Variants in ABCA2 observed in about 807,000 individuals in gnomAD.
ABCA2 encodes ATP-binding cassette sub-family A member 2.
A neutral mutation model predicts 262.8 loss-of-function variants in ABCA2; 84 were observed. That is an observed-to-expected ratio of 0.32 (90% CI 0.27 to 0.38). The LOEUF (loss-of-function observed/expected upper bound fraction) is 0.38, where lower values mean the gene tolerates loss of function less well. Ranked by LOEUF, ABCA2 falls within the 10% of genes least tolerant of loss-of-function variation. The pLI is 1.00. For missense variants in ABCA2, 2,662 were observed against 3,405.9 expected (o/e 0.78, Z 5.44); for synonymous variants, 1,696 against 1,502.9 (o/e 1.13, Z -2.97).
Position 137,011,329 on chromosome 9 carries a change from A to AG in ABCA2, c.5800-21dup. 2 of 1,591,738 alleles carry AG rather than the reference A, an allele frequency of 1.3e-6. No individual in the cohort carries two copies. The highest frequency in any genetic ancestry group is 1.7e-6 in the Non-Finnish European group (2 of 1,164,064). The stretch of plus-strand genomic sequence containing the variant: ...CAGGTCCTGCGGGGTGGCCGGGGTC[A>AG]GGGGCACAGGGGTGGCCGGGGTGAG... On this transcript the variant is annotated intron_variant, in intron 37 of 48. Coordinates refer to ENST00000341511, the MANE Select transcript of ABCA2 (RefSeq NM_001606.5). The surrounding 1 kb of genome is among the most constrained non-coding windows in gnomAD (Gnocchi z 8.8).
intron 1 of ABCA2, among the ~76,000 whole-genome samples, chr9:137,025,674 G>A (rs955553075): frequency 7.9e-5 from 12 of 152,252 alleles, no homozygotes; most frequent in Non-Finnish European, 1.8e-4. Context: ...CCAGGGCGAG[G>A]GTGGCTGCAG....
At chr9:137,008,271 TCCCTCGCC>T in intron 48 of ABCA2, 137 bp downstream of exon 48, 1 of 965,398 alleles carries the variant, frequency 1.0e-6, no homozygotes. Flanking sequence ...TCTGCAAGTG[TCCCTCGCC>T]CACTCTGCCC....
intron 28 of ABCA2, 103 bp downstream of exon 28, chr9:137,013,729 G>C: frequency 1.4e-6 from 2 of 1,403,114 alleles, no homozygotes; most frequent in Non-Finnish European, 1.9e-6. Flanking sequence ...TCAGGTGTGG[G>C]GTGAGGCCCA....
chr9:137,019,009 G>T lies in ABCA2; in HGVS notation c.1616C>A (p.Pro539Gln). ...CGAGAAGTTGTCCTGTCTCAGGGCC[G>T]GCGGCAGCTCATCCAGTGACAGGTT... is the stretch of plus-strand genomic sequence containing the variant. ...ALNLSLDELP[P>Q]ALRQDNFSLP... is the part of the protein sequence containing the mutation. The change falls in exon 12 of 49, where the codon CCG (proline) becomes CAG (glutamine). Residue 539 changes from proline to glutamine, a missense_variant. By Grantham distance (76) the Pro-to-Gln change is moderately conservative. Transcript: ENST00000341511. This position sits in a 1 kb window ranked among gnomAD's most constrained non-coding sequence, Gnocchi z 4.4. The T allele has an allele frequency of 1.2e-6, 2 of 1,612,896 alleles. No homozygotes were observed. Among genetic ancestry groups the T allele is most frequent in the Non-Finnish European group, 1.7e-6 (2 of 1,179,830 alleles).
chr9:137,019,074 G>T lies in ABCA2; in HGVS notation c.1555-4C>A. 6.2e-7 allele frequency: 1 copy of T among 1,606,398 alleles called. No individual in the cohort carries two copies. Among genetic ancestry groups the T allele is most frequent in the Middle Eastern group, 1.7e-4 (1 of 6,042 alleles). ...GCAGCCGCAGCTCTGCTACATACTT[G>T]GGGTGGAGGGGCGGCTCAGAGGGGG... On this transcript the variant is annotated splice_region_variant and splice_polypyrimidine_tract_variant and intron_variant, in intron 11 of 48. Coordinates refer to ENST00000341511, the MANE Select transcript of ABCA2 (RefSeq NM_001606.5). The surrounding 1 kb of genome is among the most constrained non-coding windows in gnomAD (Gnocchi z 4.4).
chr9:137,022,213 C>A lies in ABCA2; in HGVS notation c.567+138G>T. The stretch of plus-strand genomic sequence containing the variant: ...GGGGGCATGGCTCAGAGAGTGGGGG[C>A]GTGGCTCAGATGGTGGGGGCAAGGT... On this transcript the variant is annotated intron_variant, in intron 6 of 48. Coordinates refer to ENST00000341511, the MANE Select transcript of ABCA2 (RefSeq NM_001606.5). 8 of 981,424 alleles carry A rather than the reference C, an allele frequency of 8.2e-6. No individual in the cohort carries two copies. In the South Asian group the frequency reaches 2.2e-4, roughly 28 times the overall value. The allele number at this position is 981,424 out of a possible 1,614,324, so 60.8% of individuals were successfully genotyped here. A position where few individuals can be genotyped will look rare whatever the true frequency, so the allele number is the denominator to read the frequency against.
At chr9:137,028,292 G>A (rs2131482846), upstream of ABCA2, 2 of 976,648 alleles carry the variant, frequency 2.0e-6, no homozygotes, top group Non-Finnish European at 2.4e-6. The surrounding 1 kb of genome is among the most constrained non-coding windows in gnomAD (Gnocchi z 6.9). Context: ...CCGCCCCGGC[G>A]GCCGCGGCGA....
At position 137,016,437 on chromosome 9, in the gene ABCA2, G is replaced by A. The variant is rs367607306; in HGVS notation, c.2958C>T (p.His986=). 42 of 1,612,704 alleles carry A rather than the reference G, an allele frequency of 2.6e-5. No individual in the cohort carries two copies. Among genetic ancestry groups the A allele is most frequent in the Non-Finnish European group, 3.2e-5 (38 of 1,179,980 alleles). The change falls in exon 21 of 49, where the codon CAC becomes CAT. Residue 986 remains histidine (H), a synonymous_variant. Coordinates refer to ENST00000341511, the MANE Select transcript of ABCA2 (RefSeq NM_001606.5). ...TGTCCACGCAGACAACCAGAGGCAG[G>A]TGGGTGGGCTCCTCCTCCATGCCAC... ...ETRGMEEEPT[H]LPLVVCVDKL...
chr9:137,013,365 C>T lies in ABCA2; in HGVS notation c.4551-47G>A, dbSNP rs576067702. 173 of 1,526,374 alleles carry T rather than the reference C, an allele frequency of 1.1e-4. 1 individual carries two copies. The highest frequency in any genetic ancestry group is 3.4e-4 in the Admixed American group (17 of 50,570). 94.6% of individuals were successfully genotyped at this position (1,526,374 alleles called of 1,614,324 possible). ...GGTGGGGCTGCCAGTCTCCGCCCCT[C>T]GCCAGCCCCGCCCCCTCGCCCGCCT... On this transcript the variant is annotated intron_variant, in intron 29 of 48. Transcript: ENST00000341511.
chr9:137,013,180 C>T lies in ABCA2; in HGVS notation c.4689G>A (p.Glu1563=). Residue 1563 remains glutamate, a synonymous_variant, in exon 30 of 49, where the codon GAG becomes GAA. Transcript: ENST00000341511. The part of the protein sequence containing the change: ...LGPTLNLSSG[E]SRLLAARFFD... ...AGAACCGAGCCGCCAGCAGGCGCGACTCCCCGCTGCTCAGGTTCAACGTGG... is the reference window on the plus strand; with the variant it reads ...AGAACCGAGCCGCCAGCAGGCGCGATTCCCCGCTGCTCAGGTTCAACGTGG... 1 of 1,600,144 alleles carries T rather than the reference C, an allele frequency of 6.2e-7. No individual in the cohort carries two copies. Among genetic ancestry groups the T allele is most frequent in the Non-Finnish European group, 8.5e-7 (1 of 1,175,364 alleles).
rs769546706 is a variant in ABCA2, at chr9:137,013,791, G to A, written c.4447+41C>T. 4 of 1,564,758 alleles carry A rather than the reference G, an allele frequency of 2.6e-6. No individual in the cohort carries two copies. In the South Asian group the frequency reaches 4.6e-5, roughly 18 times the overall value. On this transcript the variant is annotated intron_variant, in intron 28 of 48. Coordinates refer to ENST00000341511, the MANE Select transcript of ABCA2 (RefSeq NM_001606.5). Reference sequence around the variant, plus strand: ...CATCAGGGCTCCCAGCGGGCGGTGGGGGGAGGCAAGCCCAGCACCCCTGTC... The same window carrying A: ...CATCAGGGCTCCCAGCGGGCGGTGGAGGGAGGCAAGCCCAGCACCCCTGTC...
rs571225501 is a variant in ABCA2, at chr9:137,010,888, C to T, written c.6056+85G>A. The T allele has an allele frequency of 5.9e-3, 2,503 of 425,666 alleles. 65 individuals carry two copies. Among genetic ancestry groups the T allele is most frequent in the African/African-American group, 0.052 (2,168 of 42,028 alleles). The allele number at this position is 425,666 out of a possible 1,614,324, so 26.4% of individuals were successfully genotyped here. ...CTCACCCCCTCCTGCCCCATCCCTG[C>T]CCCCACCCCCGCCCCTACCCTGCCC... On this transcript the variant is annotated intron_variant, in intron 39 of 48. Coordinates refer to ENST00000341511, the MANE Select transcript of ABCA2 (RefSeq NM_001606.5).
In ABCA2 at chr9:137,020,160, C is replaced by T. The variant is rs570998698; in HGVS notation, c.1425+176G>A. On this transcript the variant is annotated intron_variant, in intron 10 of 48. Transcript: ENST00000341511. Reference sequence around the variant, plus strand: ...TTCCCACAGCAGCCCCTGGAGCTCCCGAAAGGAAAAGCGACCCCCTGGTCC... The same window carrying T: ...TTCCCACAGCAGCCCCTGGAGCTCCTGAAAGGAAAAGCGACCCCCTGGTCC... The T allele has an allele frequency of 1.7e-4, 141 of 818,368 alleles. No homozygotes were observed. In the African/African-American group the frequency reaches 1.9e-3, roughly 11 times the overall value. The allele number at this position is 818,368 out of a possible 1,614,324, so 50.7% of individuals were successfully genotyped here.
chr9:137,011,372 G>A lies in ABCA2; in HGVS notation c.5799+35C>T. ...GGGGTGAGGGGCACAGCCTCCGCAG[G>A]GTCCGCCACCCCCACCATGTCGTCA... On this transcript the variant is annotated intron_variant, in intron 37 of 48. Coordinates refer to ENST00000341511, the MANE Select transcript of ABCA2 (RefSeq NM_001606.5). The surrounding 1 kb of genome is among the most constrained non-coding windows in gnomAD (Gnocchi z 8.8). The A allele has an allele frequency of 6.2e-7, 1 of 1,606,972 alleles. No individual in the cohort carries two copies. The highest frequency in any genetic ancestry group is 8.5e-7 in the Non-Finnish European group (1 of 1,176,786).
In ABCA2 at chr9:137,015,834, A is replaced by G. The variant is rs1248547628; in HGVS notation, c.3355T>C (p.Ser1119Pro). ...EDLELSNKRH[S>P]LVQTLSGGMK... Reference sequence around the variant, plus strand: ...CCACCCGACAATGTCTGCACCAGTGAGTGCCGTTTGTTGGAGAGCTCCAGG... The same window carrying G: ...CCACCCGACAATGTCTGCACCAGTGGGTGCCGTTTGTTGGAGAGCTCCAGG... Residue 1119 changes from serine to proline, a missense_variant, in exon 23 of 49, where the codon TCA (serine) becomes CCA (proline). Physicochemically the swap from Ser to Pro is moderately conservative, Grantham distance 74. Around this residue, in one of 12 missense-constraint regions of ABCA2, gnomAD observed 180 missense variants for 307.3 expected, o/e 0.59. Transcript: ENST00000341511. 1 of 1,611,354 alleles carries G rather than the reference A, an allele frequency of 6.2e-7. No homozygotes were observed. Among genetic ancestry groups the G allele is most frequent in the Admixed American group, 1.7e-5 (1 of 60,002 alleles).
intron 26 of ABCA2, 61 bp from the exon 27 acceptor site, chr9:137,014,465 AC>A: frequency 6.6e-7 from 1 of 1,512,004 alleles, no homozygotes. Context: ...CCTGCCCAGG[AC>A]CCCCATCCCC....
At chr9:137,022,532 C>A in intron 5 of ABCA2, 54 bp from the exon 6 acceptor site, 1 of 1,591,634 alleles carries the variant, frequency 6.3e-7, no homozygotes, top group South Asian at 1.1e-5. Context: ...GCAAGGTGCC[C>A]CCACATGCGC....
At position 137,008,437 on chromosome 9, in the gene ABCA2, G is replaced by A. The variant is rs954152219; in HGVS notation, c.7254C>T (p.Leu2418=). Residue 2418 remains leucine, a synonymous_variant, in exon 48 of 49, where the codon CTC becomes CTT. Coordinates refer to ENST00000341511, the MANE Select transcript of ABCA2 (RefSeq NM_001606.5). ...TCACCCGCTCCTCCTCGAAGCTGATGAGGCCCTCGTCCTCCGTGTCCAGGT... is the reference window on the plus strand; with the variant it reads ...TCACCCGCTCCTCCTCGAAGCTGATAAGGCCCTCGTCCTCCGTGTCCAGGT... ...PEDLDTEDEG[L]ISFEEERAQL... 2 of 1,552,818 alleles carry A rather than the reference G, an allele frequency of 1.3e-6. No homozygotes were observed. Among genetic ancestry groups the A allele is most frequent in the African/African-American group, 1.4e-5 (1 of 73,346 alleles).
rs10781531 is a variant in ABCA2 at position 137,013,813 on chromosome 9, T to C, written c.4447+19A>G. ...TGGGGGGAGGCAAGCCCAGCACCCC[T>C]GTCCAGCCGGTGGCCTACCAATCTC... On this transcript the variant is annotated intron_variant, in intron 28 of 48. Transcript: ENST00000341511. 0.96 allele frequency: 1,529,197 copies of C among 1,585,896 alleles called. 737,485 individuals are homozygous for C. The highest frequency in any genetic ancestry group is 1 in the East Asian group (42,985 of 42,990).
Sources: gnomAD v4.1 joint callset for allele counts (sites outside exome capture counted in the v4.1 genomes callset) on GRCh38, gnomAD v4.1.1 for gene constraint, gnomAD v4.1.1 regional missense constraint, Gnocchi (gnomAD v3.1) non-coding constraint, MANE v1.5 for transcripts, NCBI Gene and HGNC (gene_info 2026-07-23, HGNC 2026-07-21) for gene names.